The following LRRTM4 variants were observed in gnomAD, a reference collection of about 807,000 sequenced individuals.
LRRTM4 encodes the protein leucine rich repeat transmembrane neuronal 4.
LRRTM4 carries 25 observed loss-of-function variants against 47.6 expected under a neutral mutation model. The ratio of observed to expected loss-of-function variants is 0.53; its 90% CI spans 0.38 to 0.73. The LOEUF is 0.73. Ranked by LOEUF, LRRTM4 falls within the 30% of genes least tolerant of loss-of-function variation. The probability of loss-of-function intolerance (pLI) is 0.00; values close to 1 mark genes in which losing one functional copy is unlikely to be tolerated. For synonymous variants in LRRTM4, 311 were observed against 269.5 expected (o/e 1.15, Z -1.51); for missense variants, 638 against 713.4 (o/e 0.89, Z 1.20).
At chr2:77,231,601 A>G (rs1674967164) in intron 3 of LRRTM4, among the ~76,000 whole-genome samples, 1 of 152,132 alleles carries the variant, frequency 6.6e-6, no homozygotes, top group South Asian at 2.1e-4. Context: ...TAATTTATAG[A>G]GAAAAATATG....
chr2:77,249,327 G>A (rs993899973), intron 3 of LRRTM4, among the ~76,000 whole-genome samples: 3 of 151,924 alleles, frequency 2.0e-5, no homozygotes, highest in Admixed American at 2.0e-4. Context: ...TCCAGCCTGG[G>A]TGACAATAGC....
At chr2:76,784,006 A>C (rs1674535110) in intron 3 of LRRTM4, among the ~76,000 whole-genome samples, 1 of 152,084 alleles carries the variant, frequency 6.6e-6, no homozygotes, top group Non-Finnish European at 1.5e-5. Flanking sequence ...TGCTACTTGA[A>C]TTTTCTATGT....
intron 3 of LRRTM4, among the ~76,000 whole-genome samples, chr2:77,028,703 A>G (rs1307629698): frequency 1.3e-5 from 2 of 151,906 alleles, no homozygotes; most frequent in East Asian, 3.9e-4. Context: ...ATGATATAAG[A>G]AAAGTGTAAA....
chr2:77,136,566 C>T (rs548016448), intron 3 of LRRTM4, among the ~76,000 whole-genome samples: 7 of 152,258 alleles, frequency 4.6e-5, no homozygotes, highest in South Asian at 2.1e-4. Flanking sequence ...AAAATCAGAG[C>T]GCCTCTCCCC....
intron 3 of LRRTM4, among the ~76,000 whole-genome samples, chr2:77,148,071 T>C (rs192637565): frequency 5.4e-4 from 82 of 152,298 alleles, no homozygotes; most frequent in Non-Finnish European, 9.7e-4. Flanking sequence ...AACAGTGATG[T>C]TTTTTGGGCA....
Position 76,748,421 on chromosome 2 carries a change from C to A in LRRTM4, c.*274G>T. 2.3e-6 allele frequency: 1 copy of A among 438,306 alleles called. No homozygotes were observed. The highest frequency in any genetic ancestry group is 4.1e-6 in the Non-Finnish European group (1 of 243,064). The allele number at this position is 438,306 out of a possible 1,614,324, so 27.2% of individuals were successfully genotyped here. ...AGGGTGAAATCTATTTTTATAAGAA[C>A]TTGACACTCTTACTATTTACATCCG... On this transcript the variant is annotated 3_prime_UTR_variant, in exon 4 of 4. Coordinates refer to ENST00000409884, the MANE Select transcript of LRRTM4 (RefSeq NM_001134745.3).
At chr2:76,756,505 A>AATCAAACTCT (rs1673034495) in intron 3 of LRRTM4, among the ~76,000 whole-genome samples, 2 of 152,178 alleles carry the variant, frequency 1.3e-5, no homozygotes, top group African/African-American at 4.8e-5. Context: ...TCTTTGAACA[A>AATCAAACTCT]TTTAAAAGAG....
chr2:76,984,871 A>G (rs1471639234), intron 3 of LRRTM4, among the ~76,000 whole-genome samples: 1 of 152,072 alleles, frequency 6.6e-6, no homozygotes, highest in Non-Finnish European at 1.5e-5. Flanking sequence ...TGATGTAGAC[A>G]TAACATACAT....
chr2:76,968,151 C>A (rs1158183378), intron 3 of LRRTM4, among the ~76,000 whole-genome samples: 2 of 149,844 alleles, frequency 1.3e-5, no homozygotes, highest in East Asian at 3.9e-4. Context: ...TATGCAAAGC[C>A]TACACAGGAA....
At chr2:76,844,342 G>A (rs1239788199) in intron 3 of LRRTM4, among the ~76,000 whole-genome samples, 1 of 149,978 alleles carries the variant, frequency 6.7e-6, no homozygotes, top group African/African-American at 2.5e-5. Flanking sequence ...TCACCATGTC[G>A]GCCAGGATGG....
intron 3 of LRRTM4, among the ~76,000 whole-genome samples, chr2:76,892,119 T>A (rs1352270817): frequency 1.3e-5 from 2 of 151,684 alleles, no homozygotes; most frequent in African/African-American, 4.8e-5. Context: ...TAAATTTAAG[T>A]CCAGTCTTAG....
intron 3 of LRRTM4, among the ~76,000 whole-genome samples, chr2:77,258,961 A>C (rs1573156816): frequency 6.6e-6 from 1 of 152,080 alleles, no homozygotes; most frequent in Non-Finnish European, 1.5e-5. Flanking sequence ...TATTTAAAGA[A>C]GGAGGCCTGA....
At chr2:77,059,991 G>T (rs866619543) in intron 3 of LRRTM4, among the ~76,000 whole-genome samples, 2 of 152,300 alleles carry the variant, frequency 1.3e-5, no homozygotes, top group South Asian at 2.1e-4. Flanking sequence ...AGGCAGGGTA[G>T]AGCAGCAGTT....
chr2:77,070,237 T>A (rs973510087), intron 3 of LRRTM4, among the ~76,000 whole-genome samples: 24 of 140,650 alleles, frequency 1.7e-4, no homozygotes, highest in African/African-American at 4.5e-4. Context: ...GTCATTTTTT[T>A]AAAAAATAAA....
intron 3 of LRRTM4, among the ~76,000 whole-genome samples, chr2:76,799,656 C>A (rs1455832660): frequency 7.5e-6 from 1 of 132,834 alleles, no homozygotes; most frequent in African/African-American, 3.0e-5. Flanking sequence ...AAGAGGAAGT[C>A]AAATTGTCCC....
intron 3 of LRRTM4, among the ~76,000 whole-genome samples, chr2:77,074,288 T>A (rs777429714): frequency 6.6e-6 from 1 of 152,130 alleles, no homozygotes; most frequent in African/African-American, 2.4e-5. Flanking sequence ...TTGTACATCC[T>A]GTGTTCTTGG....
At chr2:76,750,654 G>A (rs1050046070) in intron 3 of LRRTM4, among the ~76,000 whole-genome samples, 3 of 152,132 alleles carry the variant, frequency 2.0e-5, no homozygotes, top group African/African-American at 7.2e-5. Flanking sequence ...GAGTTAACCA[G>A]TCTTAAATAT....
At chr2:77,085,125 C>T (rs1253689688) in intron 3 of LRRTM4, among the ~76,000 whole-genome samples, 4 of 151,950 alleles carry the variant, frequency 2.6e-5, no homozygotes, top group Admixed American at 2.0e-4. Flanking sequence ...GTTAAATGGG[C>T]TAGTTTTAGA....
intron 3 of LRRTM4, among the ~76,000 whole-genome samples, chr2:76,758,572 A>G (rs949649224): frequency 6.6e-6 from 1 of 152,166 alleles, no homozygotes; most frequent in Non-Finnish European, 1.5e-5. Context: ...ATGCAATTAA[A>G]ATTTTTATTC....
Sources: allele counts gnomAD v4.1 joint callset (sites outside exome capture counted in the v4.1 genomes callset), GRCh38; gene constraint gnomAD v4.1.1; transcripts MANE v1.5; gene names NCBI Gene and HGNC (gene_info 2026-07-23, HGNC 2026-07-21).